Variants in TBC1D5 observed in about 807,000 individuals in gnomAD.
TBC1D5 encodes TBC1 domain family, member 5.
In TBC1D5, 75 loss-of-function variants were observed where a neutral mutation model predicts 100.3. The observed-to-expected ratio is 0.75, with a 90% confidence interval of 0.62 to 0.91. The LOEUF is 0.91. Among genes scored for constraint, TBC1D5 ranks in the 40% least tolerant of loss-of-function variants. TBC1D5 has a pLI of 0.00. For missense variants in TBC1D5, 910 were observed against 942.4 expected (o/e 0.97, Z 0.45); for synonymous variants, 323 against 325.6 (o/e 0.99, Z 0.09).
At chr3:17,501,953 C>T (rs554117974) in intron 3 of TBC1D5, among the ~76,000 whole-genome samples, 1 of 149,832 alleles carries the variant, frequency 6.7e-6, no homozygotes, top group African/African-American at 2.5e-5. Context: ...AATAATGTCA[C>T]ACTAACTTAT....
intron 18 of TBC1D5, among the ~76,000 whole-genome samples, chr3:17,206,578 C>T (rs182902797): frequency 1.1e-4 from 17 of 152,232 alleles, no homozygotes; most frequent in Admixed American, 3.9e-4. Context: ...CCATAGTATA[C>T]GTTCAAACTA....
chr3:17,575,692 C>T (rs926956901), intron 2 of TBC1D5, among the ~76,000 whole-genome samples: 1 of 152,076 alleles, frequency 6.6e-6, no homozygotes, highest in African/African-American at 2.4e-5. Context: ...AAGAAAAGGA[C>T]ATTAACTTTT....
At chr3:17,621,800 A>G (rs1159028601) in intron 2 of TBC1D5, among the ~76,000 whole-genome samples, 2 of 152,122 alleles carry the variant, frequency 1.3e-5, no homozygotes, top group Non-Finnish European at 2.9e-5. Flanking sequence ...GCTCACTCCA[A>G]TAAGCAACTA....
At position 17,378,742 on chromosome 3, in the gene TBC1D5, T is replaced by G. The variant is rs1199754850; in HGVS notation, c.613-2129A>C. On this transcript the variant is annotated intron_variant, in intron 9 of 21. Transcript: ENST00000253692. ...ATGCCTATAAAGACCTTCCTTATAT[T>G]GAGATTAGGAAAGAATACAGTTTCC... is the stretch of plus-strand genomic sequence containing the variant. Among the ~76,000 whole-genome samples, 3 of 151,054 alleles carry G rather than the reference T, an allele frequency of 2.0e-5. No homozygotes were observed. In the Admixed American group the frequency reaches 2.0e-4, roughly 10 times the overall value.
At chr3:17,554,367 T>C (rs994660949) in intron 2 of TBC1D5, among the ~76,000 whole-genome samples, 1 of 152,228 alleles carries the variant, frequency 6.6e-6, no homozygotes, top group African/African-American at 2.4e-5. Flanking sequence ...AGAGTTCTAA[T>C]GGCTGCTCAC....
intron 1 of TBC1D5, chr3:17,672,641 G>A (rs967963884): frequency 6.6e-6 from 1 of 152,266 alleles, no homozygotes; most frequent in South Asian, 2.1e-4. Context: ...GACATCTGTT[G>A]AAAAGAAAAG....
chr3:17,310,940 T>C (rs976125067), intron 13 of TBC1D5, among the ~76,000 whole-genome samples: 1 of 152,024 alleles, frequency 6.6e-6, no homozygotes, highest in Admixed American at 6.6e-5. Context: ...TTTATCCCAA[T>C]TGGATTTAGT....
In TBC1D5 at chr3:17,598,625, C is replaced by T. The variant is rs186622224; in HGVS notation, c.-36+25224G>A. On this transcript the variant is annotated intron_variant, in intron 2 of 21. Transcript: ENST00000253692. ...TGCAAAAAGAAAAACTCAAACCAAA[C>T]CAAAACTGTTTGTGCTGCAAGAAAA... is the stretch of plus-strand genomic sequence containing the variant. Among the ~76,000 whole-genome samples the T allele has an allele frequency of 1.2e-3, 190 of 152,266 alleles. No individual in the cohort carries two copies. In the Middle Eastern group the frequency reaches 0.014, roughly 11 times the overall value.
At chr3:17,379,761 T>C (rs1559759804) in intron 9 of TBC1D5, among the ~76,000 whole-genome samples, 1 of 152,038 alleles carries the variant, frequency 6.6e-6, no homozygotes, top group Non-Finnish European at 1.5e-5. Flanking sequence ...ACAAAGGTAT[T>C]AAAATTATGA....
At chr3:17,347,655 T>TA (rs956307555) in intron 13 of TBC1D5, among the ~76,000 whole-genome samples, 47 of 147,882 alleles carry the variant, frequency 3.2e-4, no homozygotes, top group Middle Eastern at 3.4e-3. Context: ...TTCTATCACT[T>TA]AAAAAAAAAA....
chr3:17,455,549 T>C (rs920236736), intron 3 of TBC1D5, among the ~76,000 whole-genome samples: 1 of 149,750 alleles, frequency 6.7e-6, no homozygotes, highest in Non-Finnish European at 1.5e-5. Context: ...TGTGTGTATA[T>C]ATATATAGGT....
intron 1 of TBC1D5, among the ~76,000 whole-genome samples, chr3:17,669,173 C>A (rs2067633839): frequency 6.6e-6 from 1 of 151,998 alleles, no homozygotes; most frequent in African/African-American, 2.4e-5. Context: ...GGTAGTTTCC[C>A]CCTTTTGCTC....
chr3:17,604,771 T>C (rs1473553858), intron 2 of TBC1D5, among the ~76,000 whole-genome samples: 1 of 152,022 alleles, frequency 6.6e-6, no homozygotes, highest in Non-Finnish European at 1.5e-5. Context: ...ACTTCCAGGG[T>C]TCAAGCAATT....
rs116773360 is a variant in TBC1D5, at chr3:17,189,646, T to C, written c.1753-4438A>G. Among the ~76,000 whole-genome samples the C allele has an allele frequency of 4.4e-3, 677 of 152,374 alleles. 5 individuals carry two copies. Among genetic ancestry groups the C allele is most frequent in the African/African-American group, 0.015 (612 of 41,598 alleles). ...CGACATAAAATATGGCCTACTCCTCTGTAAGCCACAGTCTCTGGAAGTGTA... is the reference window on the plus strand; with the variant it reads ...CGACATAAAATATGGCCTACTCCTCCGTAAGCCACAGTCTCTGGAAGTGTA... On this transcript the variant is annotated intron_variant, in intron 18 of 21. Coordinates refer to ENST00000253692, the Ensembl canonical transcript of TBC1D5.
intron 8 of TBC1D5, among the ~76,000 whole-genome samples, chr3:17,386,875 C>T (rs2093173571): frequency 6.6e-6 from 1 of 152,110 alleles, no homozygotes; most frequent in Non-Finnish European, 1.5e-5. Context: ...ATACCAACCA[C>T]TTTCAAGATT....
intron 15 of TBC1D5, 72 bp from the exon 16 acceptor site, chr3:17,258,663 A>T: frequency 2.6e-6 from 3 of 1,138,496 alleles, no homozygotes; most frequent in Non-Finnish European, 3.9e-6. Context: ...GACAGCAATG[A>T]TCATTTTAAT....
At chr3:17,202,857 T>C (rs2071640267) in intron 18 of TBC1D5, among the ~76,000 whole-genome samples, 3 of 152,182 alleles carry the variant, frequency 2.0e-5, no homozygotes, top group Admixed American at 2.0e-4. Flanking sequence ...AACTGCTGGA[T>C]GGTGGAAGTT....
At chr3:17,357,978 C>G (rs957073019) in intron 13 of TBC1D5, among the ~76,000 whole-genome samples, 1 of 151,916 alleles carries the variant, frequency 6.6e-6, no homozygotes, top group Admixed American at 6.6e-5. Context: ...TAATATATAC[C>G]AAGCAACAAC....
intron 21 of TBC1D5, 103 bp downstream of exon 22, chr3:17,166,664 G>T: frequency 6.8e-7 from 1 of 1,462,918 alleles, no homozygotes; most frequent in Non-Finnish European, 9.2e-7. Context: ...TTCATACATG[G>T]TAATTTGAAG....
Sources: allele counts gnomAD v4.1 joint callset (sites outside exome capture counted in the v4.1 genomes callset), GRCh38; gene constraint gnomAD v4.1.1; transcripts MANE v1.5; gene names NCBI Gene and HGNC (gene_info 2026-07-23, HGNC 2026-07-21).